Variants in B3GALT1 observed in about 807,000 individuals in gnomAD.
B3GALT1 encodes beta-1,3-galactosyltransferase 1.
B3GALT1 carries 10 observed loss-of-function variants against 23.2 expected under a neutral mutation model. The observed-to-expected ratio is 0.43, with a 90% confidence interval of 0.27 to 0.73. The LOEUF is 0.73. B3GALT1 is among the 30% of genes least tolerant of loss of function. B3GALT1 has a pLI of 0.21. For synonymous variants in B3GALT1, 156 were observed against 141.5 expected (o/e 1.10, Z -0.73); for missense variants, 299 against 405.4 (o/e 0.74, Z 2.25).
At chr2:167,721,417 G>A (rs995046183) in intron 3 of B3GALT1, among the ~76,000 whole-genome samples, 1 of 152,182 alleles carries the variant, frequency 6.6e-6, no homozygotes, top group African/African-American at 2.4e-5. Context: ...ATTCCTCTTT[G>A]TGGACAGAGG....
intron 1 of B3GALT1, among the ~76,000 whole-genome samples, chr2:167,448,503 C>T (rs1699038540): frequency 6.6e-6 from 1 of 152,054 alleles, no homozygotes; most frequent in African/African-American, 2.4e-5. Flanking sequence ...CTTGTAGATT[C>T]TGGATACCCG....
intron 2 of B3GALT1, among the ~76,000 whole-genome samples, chr2:167,613,863 C>T (rs1685111409): frequency 6.6e-6 from 1 of 151,694 alleles, no homozygotes. Flanking sequence ...TTTAAAAAAT[C>T]AAGCATCCAC....
At chr2:167,449,269 G>C (rs1025371755) in intron 1 of B3GALT1, among the ~76,000 whole-genome samples, 1 of 152,126 alleles carries the variant, frequency 6.6e-6, no homozygotes, top group African/African-American at 2.4e-5. Context: ...ATTTCTTTCA[G>C]CAGTGTTTTG....
At chr2:167,489,367 A>G (rs904727244) in intron 1 of B3GALT1, among the ~76,000 whole-genome samples, 1 of 152,210 alleles carries the variant, frequency 6.6e-6, no homozygotes, top group Admixed American at 6.5e-5. Context: ...TAGATTTTTC[A>G]GTAACAGATA....
intron 3 of B3GALT1, among the ~76,000 whole-genome samples, chr2:167,799,108 A>G (rs1468578431): frequency 6.6e-6 from 1 of 152,200 alleles, no homozygotes; most frequent in Non-Finnish European, 1.5e-5. Flanking sequence ...TTATGTTGCC[A>G]TAGATACCAT....
intron 1 of B3GALT1, among the ~76,000 whole-genome samples, chr2:167,372,405 G>T (rs1401292220): frequency 6.6e-6 from 1 of 152,038 alleles, no homozygotes; most frequent in Admixed American, 6.6e-5. Context: ...TATGTAGGAT[G>T]GTGAACTATT....
chr2:167,864,546 A>G (rs1690171447), intron 4 of B3GALT1, among the ~76,000 whole-genome samples: 1 of 152,236 alleles, frequency 6.6e-6, no homozygotes, highest in Admixed American at 6.5e-5. Flanking sequence ...CCTAGGTGAC[A>G]GAGTGAGACC....
intron 3 of B3GALT1, among the ~76,000 whole-genome samples, chr2:167,667,895 T>G (rs999150497): frequency 6.6e-6 from 1 of 152,210 alleles, no homozygotes; most frequent in African/African-American, 2.4e-5. Flanking sequence ...TGGTTTGAAT[T>G]TCCTCCCATA....
At chr2:167,451,746 C>T (rs1357596111) in intron 1 of B3GALT1, among the ~76,000 whole-genome samples, 2 of 152,172 alleles carry the variant, frequency 1.3e-5, no homozygotes, top group Non-Finnish European at 2.9e-5. Flanking sequence ...GGGCAGTGCC[C>T]TAGAGCTCCC....
chr2:167,774,481 T>TG (rs1453189608), intron 3 of B3GALT1, among the ~76,000 whole-genome samples: 12 of 111,440 alleles, frequency 1.1e-4, no homozygotes, highest in African/African-American at 3.6e-4. Context: ...GGTTTTTTTT[T>TG]TTTGTTTTTT....
intron 3 of B3GALT1, among the ~76,000 whole-genome samples, chr2:167,696,831 A>C (rs4667541): frequency 0.95 from 143,991 of 152,228 alleles, 68,643 homozygotes; most frequent in East Asian, 1. Context: ...AGAGATGAGT[A>C]TTGGCAGCAA....
chr2:167,511,601 T>A (rs1700005649), intron 2 of B3GALT1, among the ~76,000 whole-genome samples: 1 of 152,172 alleles, frequency 6.6e-6, no homozygotes, highest in Non-Finnish European at 1.5e-5. Context: ...AAGAATAAAA[T>A]AGATTTAGAA....
chr2:167,422,574 T>C (rs1195721308), intron 1 of B3GALT1, among the ~76,000 whole-genome samples: 1 of 152,216 alleles, frequency 6.6e-6, no homozygotes, highest in East Asian at 1.9e-4. Flanking sequence ...TTATGCCAAG[T>C]GAGAGGCAAT....
intron 4 of B3GALT1, among the ~76,000 whole-genome samples, chr2:167,832,829 T>C (rs529835687): frequency 3.0e-4 from 46 of 152,336 alleles, no homozygotes; most frequent in Admixed American, 1.2e-3. Context: ...AGTAGTTAAA[T>C]GTACAAAGCA....
At chr2:167,359,094 C>G (rs553869283) in intron 1 of B3GALT1, among the ~76,000 whole-genome samples, 1 of 152,244 alleles carries the variant, frequency 6.6e-6, no homozygotes, top group Admixed American at 6.5e-5. Flanking sequence ...GCCACCGCGC[C>G]TGGCCAAGCA....
At chr2:167,715,173 G>T (rs1574227389) in intron 3 of B3GALT1, 1 of 1,613,862 alleles carries the variant, frequency 6.2e-7, no homozygotes, top group East Asian at 2.2e-5. Flanking sequence ...TTTTCCGATT[G>T]ACTGTTCACT....
At chr2:167,479,175 A>G (rs1320827498) in intron 1 of B3GALT1, among the ~76,000 whole-genome samples, 1 of 152,146 alleles carries the variant, frequency 6.6e-6, no homozygotes, top group African/African-American at 2.4e-5. Flanking sequence ...AAAATTCCCC[A>G]CTGTGTAAAA....
chr2:167,857,182 T>C (rs1185146381), intron 4 of B3GALT1, among the ~76,000 whole-genome samples: 1 of 152,040 alleles, frequency 6.6e-6, no homozygotes, highest in Non-Finnish European at 1.5e-5. Flanking sequence ...CCAGAATATT[T>C]TAAGGCTCAA....
At chr2:167,350,645 G>A (rs892803259) in intron 1 of B3GALT1, among the ~76,000 whole-genome samples, 2 of 152,136 alleles carry the variant, frequency 1.3e-5, no homozygotes, top group African/African-American at 2.4e-5. Flanking sequence ...GTGACCCTTG[G>A]TCATCTCCCA....
Sources: gnomAD v4.1 joint callset for allele counts (sites outside exome capture counted in the v4.1 genomes callset) on GRCh38, gnomAD v4.1.1 for gene constraint, MANE v1.5 for transcripts, NCBI Gene and HGNC (gene_info 2026-07-23, HGNC 2026-07-21) for gene names.